POLR2F: variants seen among roughly 807,000 people sequenced by gnomAD.
POLR2F encodes DNA-directed RNA polymerases I, II, and III subunit RPABC2.
Under a neutral mutation model 22.7 loss-of-function variants are expected in POLR2F, and 12 were observed. That is an observed-to-expected ratio of 0.53 (90% CI 0.34 to 0.86). The LOEUF is 0.86. Ranked by LOEUF, POLR2F falls within the 40% of genes least tolerant of loss-of-function variation. The pLI is 0.02. For synonymous variants in POLR2F, 57 were observed against 66.0 expected (o/e 0.86, Z 0.66); for missense variants, 126 against 171.5 (o/e 0.73, Z 1.48).
At chr22:37,985,546 C>T (rs976366601), upstream of POLR2F, among the ~76,000 whole-genome samples, 4 of 152,142 alleles carry the variant, frequency 2.6e-5, no homozygotes, top group African/African-American at 4.8e-5. Flanking sequence ...GCAGCCCCGC[C>T]GGGGTGTTGA....
At chr22:38,026,994 C>T (rs535012711), downstream of POLR2F, among the ~76,000 whole-genome samples, 390 of 152,226 alleles carry the variant, frequency 2.6e-3, no homozygotes, top group African/African-American at 8.8e-3. Flanking sequence ...GAGGGGCGTG[C>T]ATGGAGAGAC....
Position 38,012,862 on chromosome 22 carries a change from C to T in POLR2F, c.121-13007C>T, listed in dbSNP as rs116964556. Among the ~76,000 whole-genome samples, 631 of 152,246 alleles carry T rather than the reference C, an allele frequency of 4.1e-3. 6 individuals are homozygous for T. The highest frequency in any genetic ancestry group is 7.3e-3 in the Admixed American group (112 of 15,292). Reference sequence around the variant, plus strand: ...GCCCTATCATCACGTCATTGCAGGGCGTACATGATATTGATATGTCTTATT... The same window carrying T: ...GCCCTATCATCACGTCATTGCAGGGTGTACATGATATTGATATGTCTTATT... On this transcript the variant is annotated intron_variant, in intron 1 of 2. Coordinates refer to the POLR2F transcript ENST00000333418.
chr22:37,960,815 G>A (rs1931605490), intron 3 of POLR2F, among the ~76,000 whole-genome samples: 1 of 150,460 alleles, frequency 6.6e-6, no homozygotes, highest in East Asian at 2.0e-4. Flanking sequence ...TTACAGGCGT[G>A]AGCCACCGTG....
chr22:38,001,130 CCTT>C (rs2084765552), intron 1 of POLR2F, among the ~76,000 whole-genome samples: 2 of 152,240 alleles, frequency 1.3e-5, no homozygotes, highest in South Asian at 4.2e-4. Context: ...TCCTGAGAGC[CCTT>C]CTTTGCCCTG....
intron 1 of POLR2F, among the ~76,000 whole-genome samples, chr22:37,991,278 C>T (rs1031196493): frequency 6.6e-6 from 1 of 152,070 alleles, no homozygotes; most frequent in Non-Finnish European, 1.5e-5. Flanking sequence ...CCACCATGCC[C>T]GGCTAGTTTT....
Position 38,016,947 on chromosome 22 carries a change from C to G in POLR2F, c.121-8922C>G, listed in dbSNP as rs1031397072. On this transcript the variant is annotated intron_variant, in intron 1 of 2. Coordinates refer to the POLR2F transcript ENST00000333418. This position sits in a 1 kb window ranked among gnomAD's most constrained non-coding sequence, Gnocchi z 4.4. The stretch of plus-strand genomic sequence containing the variant: ...CTGGGCGGATGTGCCGGCAGCTGGG[C>G]GGCCGGGAGAGATGGAGCCAGGCCG... 6.6e-6 allele frequency among the ~76,000 whole-genome samples: 1 copy of G among 152,022 alleles called. No individual in the cohort carries two copies. Among genetic ancestry groups the G allele is most frequent in the African/African-American group, 2.4e-5 (1 of 41,380 alleles).
chr22:37,960,146 A>G (rs972562617), intron 3 of POLR2F, among the ~76,000 whole-genome samples: 1 of 151,784 alleles, frequency 6.6e-6, no homozygotes, highest in Non-Finnish European at 1.5e-5. Context: ...CAAGATCTCA[A>G]TCTGTTGCCC....
At chr22:37,981,527 A>T (rs1336990054), upstream of POLR2F, among the ~76,000 whole-genome samples, 1 of 152,190 alleles carries the variant, frequency 6.6e-6, no homozygotes, top group African/African-American at 2.4e-5. Context: ...GGCTGGGGGA[A>T]CCTGGGGACA....
chr22:37,970,856 C>A (rs1477961172), downstream of POLR2F: 2 of 217,264 alleles, frequency 9.2e-6, no homozygotes, highest in Admixed American at 1.0e-4. Context: ...CTGCTTTTAT[C>A]TAAAACAAAA....
upstream of POLR2F, chr22:37,983,271 G>T: frequency 7.0e-7 from 1 of 1,437,682 alleles, no homozygotes; most frequent in Non-Finnish European, 9.5e-7. The surrounding 1 kb of genome is among the most constrained non-coding windows in gnomAD (Gnocchi z 9.5). Flanking sequence ...GTCCCGCTCT[G>T]AGGTGCAGGA....
chr22:37,979,131 T>C (rs1932314211), intron 4 of POLR2F, among the ~76,000 whole-genome samples: 3 of 151,816 alleles, frequency 2.0e-5, no homozygotes, highest in Admixed American at 1.3e-4. Flanking sequence ...AGAGTCTCAC[T>C]CTGTCGCCCA....
chr22:37,986,003 C>G, upstream of POLR2F: 5 of 1,274,834 alleles, frequency 3.9e-6, no homozygotes, highest in Non-Finnish European at 5.1e-6. The surrounding 1 kb of genome is among the most constrained non-coding windows in gnomAD (Gnocchi z 4.7). Flanking sequence ...CCACCCCCGG[C>G]GCTGCCAACC....
chr22:37,976,759 G>A (rs750841640), intron 4 of POLR2F, among the ~76,000 whole-genome samples: 1 of 152,160 alleles, frequency 6.6e-6, no homozygotes, highest in Non-Finnish European at 1.5e-5. Flanking sequence ...TATACATAAG[G>A]CAACTAGCAC....
intron 1 of POLR2F, among the ~76,000 whole-genome samples, chr22:38,005,514 C>T (rs2084813181): frequency 6.6e-6 from 1 of 152,222 alleles, no homozygotes. Flanking sequence ...CAAGCTCATC[C>T]TGGCCAGGTG....
At chr22:38,009,868 C>T (rs1417602435) in intron 1 of POLR2F, among the ~76,000 whole-genome samples, 2 of 152,202 alleles carry the variant, frequency 1.3e-5, no homozygotes, top group African/African-American at 2.4e-5. Flanking sequence ...CTTTTTATTA[C>T]AGAAGAATAT....
In POLR2F at chr22:37,968,225, G is replaced by C; in HGVS notation, c.*510G>C. ...ATCCCCTTTCAGGAGCAGTGCCCCA[G>C]CAGGAAGCGTGGGGGTGTGCTGATC... On this transcript the variant is annotated 3_prime_UTR_variant, in exon 5 of 5. Transcript: ENST00000442738. 3 of 985,450 alleles carry C rather than the reference G, an allele frequency of 3.0e-6. No individual in the cohort carries two copies. The highest frequency in any genetic ancestry group is 3.6e-6 in the Non-Finnish European group (3 of 829,982). 61.0% of individuals were successfully genotyped at this position (985,450 alleles called of 1,614,324 possible).
chr22:38,020,623 T>C (rs2084953514), intron 1 of POLR2F, among the ~76,000 whole-genome samples: 1 of 151,854 alleles, frequency 6.6e-6, no homozygotes, highest in Non-Finnish European at 1.5e-5. Context: ...ACACCTGTAG[T>C]CCCAGCTACT....
rs1265652419 is a variant in POLR2F at position 38,016,933 on chromosome 22, T to G, written c.121-8936T>G. On this transcript the variant is annotated intron_variant, in intron 1 of 2. Coordinates refer to the POLR2F transcript ENST00000333418. The surrounding 1 kb of genome is among the most constrained non-coding windows in gnomAD (Gnocchi z 4.4). ...ATTGATGTCTGGGCCTGGGCGGATGTGCCGGCAGCTGGGCGGCCGGGAGAG... is the reference window on the plus strand; with the variant it reads ...ATTGATGTCTGGGCCTGGGCGGATGGGCCGGCAGCTGGGCGGCCGGGAGAG... Among the ~76,000 whole-genome samples, 3 of 151,344 alleles carry G rather than the reference T, an allele frequency of 2.0e-5. No individual in the cohort carries two copies. Among genetic ancestry groups the G allele is most frequent in the African/African-American group, 7.3e-5 (3 of 41,192 alleles).
At chr22:37,961,433 C>T (rs1033087717) in intron 3 of POLR2F, among the ~76,000 whole-genome samples, 23 of 152,210 alleles carry the variant, frequency 1.5e-4, no homozygotes, top group South Asian at 1.0e-3. Flanking sequence ...CTTGAAAGCA[C>T]GCTAGAGAGA....
Sources: gnomAD v4.1 joint callset for allele counts (sites outside exome capture counted in the v4.1 genomes callset) on GRCh38, gnomAD v4.1.1 for gene constraint, Gnocchi (gnomAD v3.1) non-coding constraint, MANE v1.5 for transcripts, NCBI Gene and HGNC (gene_info 2026-07-23, HGNC 2026-07-21) for gene names.